The following FHAD1 variants were observed in gnomAD, a reference collection of about 807,000 sequenced individuals.
The protein encoded by FHAD1 is forkhead associated phosphopeptide binding domain 1, also known as forkhead-associated domain-containing protein 1.
Under a neutral mutation model 191.3 loss-of-function variants are expected in FHAD1, and 146 were observed. That is an observed-to-expected ratio of 0.76 (90% confidence interval 0.67 to 0.88). The LOEUF (loss-of-function observed/expected upper bound fraction) is 0.88, where lower values mean the gene tolerates loss of function less well. Among genes scored for constraint, FHAD1 ranks in the 40% least tolerant of loss-of-function variants. FHAD1 has a pLI of 0.00. For missense variants in FHAD1, 1,635 were observed against 1,785.8 expected (o/e 0.92, Z 1.52); for synonymous variants, 616 against 672.3 (o/e 0.92, Z 1.29).
At chr1:15,321,800 T>A (rs1446433601) in intron 10 of FHAD1, among the ~76,000 whole-genome samples, 1 of 152,196 alleles carries the variant, frequency 6.6e-6, no homozygotes, top group African/African-American at 2.4e-5. Context: ...TGCATGCACA[T>A]GTGTGCATGC....
intron 3 of FHAD1, among the ~76,000 whole-genome samples, chr1:15,278,631 G>A (rs1659379864): frequency 6.6e-6 from 1 of 152,010 alleles, no homozygotes; most frequent in South Asian, 2.1e-4. Context: ...GTGCCACCAT[G>A]CCCAGCTAAT....
intron 3 of FHAD1, among the ~76,000 whole-genome samples, chr1:15,284,235 C>G (rs747422233): frequency 6.6e-6 from 1 of 152,190 alleles, no homozygotes; most frequent in Non-Finnish European, 1.5e-5. Context: ...AATCCCAGCA[C>G]TTTGGGAGGC....
chr1:15,293,276 C>T (rs1374800455), intron 4 of FHAD1, among the ~76,000 whole-genome samples: 2 of 152,212 alleles, frequency 1.3e-5, no homozygotes, highest in South Asian at 2.1e-4. Context: ...CAGAGGTAAC[C>T]ACTCTTCCAA....
chr1:15,293,811 C>T (rs975258626), intron 4 of FHAD1, among the ~76,000 whole-genome samples: 2 of 152,196 alleles, frequency 1.3e-5, no homozygotes, highest in Non-Finnish European at 2.9e-5. Flanking sequence ...TTTATCCATT[C>T]GTCCATTGGT....
chr1:15,327,445 C>T lies in FHAD1; in HGVS notation c.1557+303C>T. On this transcript the variant is annotated intron_variant, in intron 12 of 33. Transcript: ENST00000688493. The surrounding 1 kb of genome is among the most constrained non-coding windows in gnomAD (Gnocchi z 5.1). ...GCACTGGGAGAAAGGGAGCCGCCTC[C>T]CCACAGCCAGTGCGTTCTGGCGCGT... The T allele has an allele frequency of 3.5e-6, 1 of 288,450 alleles. No homozygotes were observed. Among genetic ancestry groups the T allele is most frequent in the Admixed American group, 5.1e-5 (1 of 19,792 alleles). 17.9% of individuals were successfully genotyped at this position (288,450 alleles called of 1,614,324 possible). A position where few individuals can be genotyped will look rare whatever the true frequency, so the allele number is the denominator to read the frequency against.
Position 15,318,673 on chromosome 1 carries a change from C to T in FHAD1, c.1365+745C>T, listed in dbSNP as rs983971731. 1.3e-5 allele frequency among the ~76,000 whole-genome samples: 2 copies of T among 152,196 alleles called. No individual in the cohort carries two copies. Among genetic ancestry groups the T allele is most frequent in the African/African-American group, 4.8e-5 (2 of 41,552 alleles). ...TTAATTAAAAATAAATAAAACAAAA[C>T]GTTGCTCCTCAGTTGCCAGCCACGT... On this transcript the variant is annotated intron_variant, in intron 10 of 33. Coordinates refer to ENST00000688493, the MANE Select transcript of FHAD1 (RefSeq NM_001391957.1). This position sits in a 1 kb window ranked among gnomAD's most constrained non-coding sequence, Gnocchi z 4.1.
At chr1:15,350,378 C>T (rs1690440424) in intron 19 of FHAD1, among the ~76,000 whole-genome samples, 1 of 152,208 alleles carries the variant, frequency 6.6e-6, no homozygotes, top group Admixed American at 6.5e-5. Flanking sequence ...CCAGTGAGAA[C>T]TGGAAGGGAA....
chr1:15,292,953 A>G (rs1665404483), intron 4 of FHAD1, among the ~76,000 whole-genome samples: 1 of 152,222 alleles, frequency 6.6e-6, no homozygotes, highest in Admixed American at 6.5e-5. Flanking sequence ...TAAACATTTA[A>G]TAAAGTAAAA....
At chr1:15,384,980 C>G (rs1037542854) in intron 31 of FHAD1, among the ~76,000 whole-genome samples, 1 of 152,110 alleles carries the variant, frequency 6.6e-6, no homozygotes, top group Non-Finnish European at 1.5e-5. Context: ...AGCCCATCCA[C>G]TCATCCCCCC....
intron 32 of FHAD1, 35 bp from the exon 33 acceptor site, chr1:15,391,175 A>G (rs1211343178): frequency 3.4e-6 from 4 of 1,188,576 alleles, no homozygotes; most frequent in Non-Finnish European, 4.4e-6. Flanking sequence ...GAGGAATCTA[A>G]GCTAGATTTT....
At chr1:15,338,624 C>T (rs1481639713) in intron 14 of FHAD1, among the ~76,000 whole-genome samples, 1 of 152,292 alleles carries the variant, frequency 6.6e-6, no homozygotes, top group East Asian at 1.9e-4. Context: ...TCATTCAGCC[C>T]CGCGCACCCC....
At chr1:15,313,348 G>A (rs1672901755) in intron 8 of FHAD1, among the ~76,000 whole-genome samples, 161 bp downstream of exon 8, 5 of 132,608 alleles carry the variant, frequency 3.8e-5, no homozygotes, top group Admixed American at 7.8e-5. Flanking sequence ...GGGGGTGGGC[G>A]TTGGGGGCAA....
chr1:15,301,372 G>A lies in FHAD1; in HGVS notation c.846G>A (p.Ser282=), dbSNP rs769632640. Residue 282 remains serine, a synonymous_variant, in exon 6 of 34, where the codon TCG becomes TCA. Coordinates refer to ENST00000688493, the MANE Select transcript of FHAD1 (RefSeq NM_001391957.1). Reference sequence around the variant, plus strand: ...CCAGGCAGAATGAGAAGGAGATCTCGCAGAAGTGTCAGGTTCTGGATGAAG... The same window carrying A: ...CCAGGCAGAATGAGAAGGAGATCTCACAGAAGTGTCAGGTTCTGGATGAAG... ...TTSRQNEKEI[S]QKCQVLDEDI... is the part of the protein sequence containing the mutation. 26 of 1,551,632 alleles carry A rather than the reference G, an allele frequency of 1.7e-5. No homozygotes were observed. The highest frequency in any genetic ancestry group is 5.9e-5 in the Admixed American group (3 of 50,992).
chr1:15,378,522 G>A (rs1044930203), intron 28 of FHAD1, among the ~76,000 whole-genome samples: 1 of 152,228 alleles, frequency 6.6e-6, no homozygotes, highest in Non-Finnish European at 1.5e-5. Context: ...GGAAAAGAGA[G>A]GGGATTCTGA....
intron 7 of FHAD1, among the ~76,000 whole-genome samples, chr1:15,310,409 G>A (rs1469324768): frequency 1.3e-5 from 2 of 152,116 alleles, no homozygotes; most frequent in Non-Finnish European, 2.9e-5. Context: ...TGGGCACCAG[G>A]CATCCCAGGG....
chr1:15,257,558 C>A (rs1282551289), intron 2 of FHAD1, among the ~76,000 whole-genome samples: 1 of 152,182 alleles, frequency 6.6e-6, no homozygotes, highest in African/African-American at 2.4e-5. Flanking sequence ...GCACACTCAG[C>A]CCTGGCTCCT....
rs530408550 is a variant in FHAD1, at chr1:15,311,228, G to A, written c.1040-1829G>A. Among the ~76,000 whole-genome samples, 5 of 152,130 alleles carry A rather than the reference G, an allele frequency of 3.3e-5. No homozygotes were observed. The highest frequency in any genetic ancestry group is 6.5e-5 in the Admixed American group (1 of 15,276). On this transcript the variant is annotated intron_variant, in intron 7 of 33. Coordinates refer to ENST00000688493, the MANE Select transcript of FHAD1 (RefSeq NM_001391957.1). This position sits in a 1 kb window ranked among gnomAD's most constrained non-coding sequence, Gnocchi z 4.1. ...GCACAGCTTGAGTTTGCTGGGTGGCGTGCCAGGCGGGAGGGGGCTGCACGG... is the reference window on the plus strand; with the variant it reads ...GCACAGCTTGAGTTTGCTGGGTGGCATGCCAGGCGGGAGGGGGCTGCACGG...
rs996987327 is a variant in FHAD1, at chr1:15,316,378, T to A, written c.1171T>A (p.Cys391Ser). The change falls in exon 9 of 34, where the codon TGC (cysteine) becomes AGC (serine). Residue 391 changes from cysteine to serine, a missense_variant and splice_region_variant. Physicochemically the swap from Cys to Ser is moderately radical, Grantham distance 112. Transcript: ENST00000688493. The surrounding 1 kb of genome is among the most constrained non-coding windows in gnomAD (Gnocchi z 4.3). Reference protein sequence around the residue: ...DHQLEALGSRCSVLKEELKQE... With the variant: ...DHQLEALGSRSSVLKEELKQE... ...TTCTGTGTTGCCCTTTTCTCCACAGTGCTCGGTGCTAAAGGAAGAGTTAAA... is the reference window on the plus strand; with the variant it reads ...TTCTGTGTTGCCCTTTTCTCCACAGAGCTCGGTGCTAAAGGAAGAGTTAAA... The A allele has an allele frequency of 1.9e-6, 3 of 1,551,622 alleles. No homozygotes were observed. Among genetic ancestry groups the A allele is most frequent in the Non-Finnish European group, 2.6e-6 (3 of 1,146,976 alleles).
intron 3 of FHAD1, among the ~76,000 whole-genome samples, chr1:15,283,927 C>A (rs748221409): frequency 6.6e-6 from 1 of 152,204 alleles, no homozygotes; most frequent in East Asian, 1.9e-4. Flanking sequence ...AAAGCAAGTG[C>A]AAATCATGAC....
Sources: gnomAD v4.1 joint callset for allele counts (sites outside exome capture counted in the v4.1 genomes callset) on GRCh38, gnomAD v4.1.1 for gene constraint, Gnocchi (gnomAD v3.1) non-coding constraint, MANE v1.5 for transcripts, NCBI Gene and HGNC (gene_info 2026-07-23, HGNC 2026-07-21) for gene names.